RFX4: variants seen among roughly 807,000 people sequenced by gnomAD.
RFX4 encodes the protein regulatory factor X4.
In RFX4, 10 loss-of-function variants were observed where a neutral mutation model predicts 95.0. The ratio of observed to expected loss-of-function variants is 0.11; its 90% confidence interval spans 0.06 to 0.18. The LOEUF (loss-of-function observed/expected upper bound fraction) is 0.18, where lower values mean the gene tolerates loss of function less well. RFX4 is among the 10% of genes least tolerant of loss of function. The pLI, the probability that RFX4 is intolerant of heterozygous loss-of-function variation, is 1.00. For synonymous variants in RFX4, 321 were observed against 340.7 expected (o/e 0.94, Z 0.64); for missense variants, 640 against 922.0 (o/e 0.69, Z 3.96).
chr12:106,668,499 G>A (rs1487488712), intron 4 of RFX4, among the ~76,000 whole-genome samples: 3 of 152,178 alleles, frequency 2.0e-5, no homozygotes, highest in Non-Finnish European at 4.4e-5. Flanking sequence ...ACGAGGCTGA[G>A]GTGAGAGGAT....
At chr12:106,747,922 C>A (rs1292776105) in intron 16 of RFX4, among the ~76,000 whole-genome samples, 1 of 137,858 alleles carries the variant, frequency 7.3e-6, no homozygotes, top group Non-Finnish European at 1.6e-5. Context: ...AGCGAGACGC[C>A]GTCTTAAAAA....
At chr12:106,663,422 T>A in intron 4 of RFX4, among the ~76,000 whole-genome samples, 1 of 152,084 alleles carries the variant, frequency 6.6e-6, no homozygotes, top group Non-Finnish European at 1.5e-5. Flanking sequence ...CTTGCAACCT[T>A]GCTTATTAGT....
chr12:106,755,017 GT>G (rs2043083703), intron 17 of RFX4, among the ~76,000 whole-genome samples: 1 of 152,198 alleles, frequency 6.6e-6, no homozygotes, highest in African/African-American at 2.4e-5. Flanking sequence ...CCTTTGTTTT[GT>G]TTTTCATTAA....
chr12:106,716,553 C>G (rs2042295872), intron 11 of RFX4, among the ~76,000 whole-genome samples: 1 of 152,054 alleles, frequency 6.6e-6, no homozygotes, highest in Admixed American at 6.6e-5. Context: ...CCCATTAAGC[C>G]CTTTTCAAAA....
rs138509376 is a variant in RFX4, at chr12:106,728,369, G to A, written c.1352-3761G>A. Among the ~76,000 whole-genome samples the A allele has an allele frequency of 9.9e-5, 15 of 151,282 alleles. No individual in the cohort carries two copies. In the East Asian group the frequency reaches 2.5e-3, roughly 25 times the overall value. On this transcript the variant is annotated intron_variant, in intron 13 of 17. Coordinates refer to ENST00000392842, the MANE Select transcript of RFX4 (RefSeq NM_213594.3). ...GAAGTTAAAAGAGCTTACTTAGCGC[G>A]GTGCATATGGAAGTAGTCAATGCTT... is the stretch of plus-strand genomic sequence containing the variant.
At chr12:106,741,931 G>A (rs1017729111) in intron 15 of RFX4, among the ~76,000 whole-genome samples, 7 of 152,106 alleles carry the variant, frequency 4.6e-5, no homozygotes, top group African/African-American at 1.2e-4. Flanking sequence ...TATGACAATC[G>A]AATGCTGCTT....
intron 2 of RFX4, among the ~76,000 whole-genome samples, chr12:106,638,124 C>A (rs747065797): frequency 2.6e-5 from 4 of 151,904 alleles, no homozygotes; most frequent in Non-Finnish European, 5.9e-5. Flanking sequence ...TTTCCTGCCT[C>A]AGCCTCCTGA....
At chr12:106,590,840 A>G (rs951290320) in intron 1 of RFX4, among the ~76,000 whole-genome samples, 8 of 152,138 alleles carry the variant, frequency 5.3e-5, no homozygotes, top group Admixed American at 3.3e-4. Flanking sequence ...CCACCTACTC[A>G]GGAGGCTGAG....
At chr12:106,694,968 C>T (rs761443807) in intron 7 of RFX4, among the ~76,000 whole-genome samples, 3 of 151,882 alleles carry the variant, frequency 2.0e-5, no homozygotes, top group Non-Finnish European at 2.9e-5. Context: ...ACCCAGGAGG[C>T]GGAGGTTGCA....
At chr12:106,623,184 G>A (rs1341697996) in intron 2 of RFX4, among the ~76,000 whole-genome samples, 3 of 150,932 alleles carry the variant, frequency 2.0e-5, no homozygotes, top group South Asian at 2.1e-4. Flanking sequence ...GACTACAGGC[G>A]CCCACCACTG....
chr12:106,696,188 G>A (rs2041875302), intron 7 of RFX4, 95 bp from the exon 8 acceptor site: 1 of 1,407,562 alleles, frequency 7.1e-7, no homozygotes, highest in Non-Finnish European at 9.9e-7. Flanking sequence ...GTAGATGACA[G>A]CATTGTAGAC....
chr12:106,612,602 C>T (rs1262649150), intron 2 of RFX4, among the ~76,000 whole-genome samples: 2 of 152,128 alleles, frequency 1.3e-5, no homozygotes, highest in Non-Finnish European at 2.9e-5. Context: ...CTTTGGGAGG[C>T]CGAGGGAGGT....
intron 2 of RFX4, among the ~76,000 whole-genome samples, chr12:106,638,664 G>A (rs1303017477): frequency 6.6e-6 from 1 of 152,154 alleles, no homozygotes; most frequent in Non-Finnish European, 1.5e-5. Context: ...AATTAACAGA[G>A]ATTCATTCTC....
chr12:106,684,691 C>A, intron 5 of RFX4: 1 of 1,474,226 alleles, frequency 6.8e-7, no homozygotes, highest in East Asian at 2.5e-5. Flanking sequence ...TCCTCCCCCA[C>A]CCACAGAGTG....
chr12:106,715,417 C>T lies in RFX4; in HGVS notation c.1011C>T (p.Ile337=). 2 of 1,614,088 alleles carry T rather than the reference C, an allele frequency of 1.2e-6. No individual in the cohort carries two copies. The highest frequency in any genetic ancestry group is 1.7e-6 in the Non-Finnish European group (2 of 1,180,008). The part of the protein sequence containing the change: ...NHLCQASRTV[I]HSADITFQML... The stretch of plus-strand genomic sequence containing the variant: ...GATTATAGGCATCTCGAACAGTGAT[C>T]CACAGTGCAGACATCACGTTCCAAA... The change falls in exon 11 of 18, where the codon ATC becomes ATT. Residue 337 remains isoleucine, a synonymous_variant. Coordinates refer to ENST00000392842, the MANE Select transcript of RFX4 (RefSeq NM_213594.3).
chr12:106,722,726 C>T (rs551201562), intron 13 of RFX4, among the ~76,000 whole-genome samples: 77 of 152,272 alleles, frequency 5.1e-4, no homozygotes, highest in African/African-American at 1.8e-3. Flanking sequence ...GTCCATTTAG[C>T]AAACTATCTG....
intron 16 of RFX4, among the ~76,000 whole-genome samples, chr12:106,749,416 G>A (rs915004866): frequency 2.0e-5 from 3 of 152,122 alleles, no homozygotes; most frequent in South Asian, 2.1e-4. Flanking sequence ...AATGCAGCAC[G>A]GCGGTGACCT....
chr12:106,614,801 G>A (rs1022755616), intron 2 of RFX4, among the ~76,000 whole-genome samples: 4 of 152,206 alleles, frequency 2.6e-5, no homozygotes, highest in East Asian at 1.9e-4. Flanking sequence ...GAGCCACCAC[G>A]CCTGGCCGCC....
chr12:106,737,484 A>G (rs996649305), intron 15 of RFX4, among the ~76,000 whole-genome samples: 1 of 151,926 alleles, frequency 6.6e-6, no homozygotes, highest in Non-Finnish European at 1.5e-5. Flanking sequence ...AGCATGAAGG[A>G]GAGGGGAGAA....
Sources: allele counts gnomAD v4.1 joint callset (sites outside exome capture counted in the v4.1 genomes callset), GRCh38; gene constraint gnomAD v4.1.1; transcripts MANE v1.5; gene names NCBI Gene and HGNC (gene_info 2026-07-23, HGNC 2026-07-21).